Variants in RAD54B observed in about 807,000 individuals in gnomAD.
RAD54B encodes DNA repair and recombination protein RAD54B.
RAD54B carries 78 observed loss-of-function variants against 95.8 expected under a neutral mutation model. The observed-to-expected ratio is 0.81, with a 90% CI of 0.68 to 0.98. RAD54B has a LOEUF of 0.98. Among genes scored for constraint, RAD54B ranks in the 50% least tolerant of loss-of-function variants. RAD54B has a pLI of 0.00. For synonymous variants in RAD54B, 328 were observed against 354.9 expected, an observed-to-expected ratio of 0.92 and a Z score of 0.85; for missense variants, 957 against 1,056.6, an observed-to-expected ratio of 0.91 and a Z score of 1.31.
chr8:94,404,162 C>G lies in RAD54B; in HGVS notation c.859G>C (p.Val287Leu). The change falls in exon 6 of 15, where the codon GTG (valine) becomes CTG (leucine). Residue 287 changes from valine to leucine, a missense_variant. By Grantham distance (32) the Val-to-Leu change is conservative. Coordinates refer to ENST00000336148, the MANE Select transcript of RAD54B (RefSeq NM_012415.3). ...NKNCFPLVDV[V>L]IDPYLVYHLR... ...TGATATACAAGGTAAGGATCAATCA[C>G]TACATCCACAAGAGGGAAACAGTTC... The G allele has an allele frequency of 6.2e-7, 1 of 1,611,282 alleles. No homozygotes were observed.
At chr8:94,425,229 CTT>C (rs34018801) in intron 3 of RAD54B, among the ~76,000 whole-genome samples, 67 of 114,924 alleles carry the variant, frequency 5.8e-4, no homozygotes, top group East Asian at 1.5e-3. Context: ...CTTTAATATT[CTT>C]TTTTTTTTTT....
At chr8:94,435,042 T>C (rs986383982) in intron 3 of RAD54B, among the ~76,000 whole-genome samples, 7 of 152,118 alleles carry the variant, frequency 4.6e-5, no homozygotes, top group Admixed American at 1.3e-4. Context: ...CGTTTTCAAA[T>C]TATAAAAACC....
chr8:94,387,390 C>T lies in RAD54B; in HGVS notation c.1810-231G>A, dbSNP rs16916788. 134,167 of 345,126 alleles carry T rather than the reference C, an allele frequency of 0.39. 26,438 individuals carry two copies. The highest frequency in any genetic ancestry group is 0.51 in the Admixed American group (10,900 of 21,338). 21.4% of individuals were successfully genotyped at this position (345,126 alleles called of 1,614,324 possible). A position where few individuals can be genotyped will look rare whatever the true frequency, so the allele number is the denominator to read the frequency against. On this transcript the variant is annotated intron_variant, in intron 10 of 14. Transcript: ENST00000336148. ...TCTAACGCAGTCTCATGCCTGCTACCTTCACCCTGCAAGTGTAGTATTAAT... is the reference window on the plus strand; with the variant it reads ...TCTAACGCAGTCTCATGCCTGCTACTTTCACCCTGCAAGTGTAGTATTAAT...
chr8:94,467,226 C>A (rs980922781), intron 2 of RAD54B, among the ~76,000 whole-genome samples, 179 bp downstream of exon 2: 1 of 152,132 alleles, frequency 6.6e-6, no homozygotes, highest in East Asian at 1.9e-4. Context: ...CTGTGCCCAG[C>A]CTGTTATTCC....
intron 2 of RAD54B, among the ~76,000 whole-genome samples, chr8:94,463,530 A>G (rs2130190878): frequency 6.6e-6 from 1 of 152,208 alleles, no homozygotes; most frequent in African/African-American, 2.4e-5. Flanking sequence ...TTAAGAGGTT[A>G]AACATAGAAT....
chr8:94,466,675 G>A (rs538558776), intron 2 of RAD54B, among the ~76,000 whole-genome samples: 5 of 152,256 alleles, frequency 3.3e-5, no homozygotes, highest in African/African-American at 1.2e-4. Context: ...CCAACGTGCT[G>A]GGATTACAGG....
Position 94,426,952 on chromosome 8 carries a change from T to C in RAD54B, c.305-15637A>G, listed in dbSNP as rs572443707. On this transcript the variant is annotated intron_variant, in intron 3 of 14. Transcript: ENST00000336148. ...CTCTACAACTTGTTTCGAAGTAACA[T>C]TTTTCCTTTAAAAAAAAGAATTGAT... Among the ~76,000 whole-genome samples the C allele has an allele frequency of 1.8e-4, 27 of 152,234 alleles. No individual in the cohort carries two copies. The South Asian group carries it at 5.0e-3, about 28-fold the overall frequency.
At chr8:94,411,816 A>G (rs1224201487) in intron 3 of RAD54B, among the ~76,000 whole-genome samples, 1 of 152,088 alleles carries the variant, frequency 6.6e-6, no homozygotes, top group Admixed American at 6.6e-5. Context: ...TGATATATGT[A>G]TACACTGTGG....
intron 3 of RAD54B, among the ~76,000 whole-genome samples, chr8:94,438,487 G>A (rs1439610039): frequency 6.6e-6 from 1 of 152,134 alleles, no homozygotes; most frequent in Non-Finnish European, 1.5e-5. Context: ...ACAACAACTG[G>A]ACCACAGGTA....
intron 12 of RAD54B, among the ~76,000 whole-genome samples, 158 bp from the exon 13 acceptor site, chr8:94,378,792 T>C (rs1008960191): frequency 2.0e-5 from 3 of 152,202 alleles, no homozygotes; most frequent in Non-Finnish European, 4.4e-5. Flanking sequence ...CCCTACTTCA[T>C]AGCTTTTTCT....
chr8:94,402,339 C>T (rs886791648), intron 6 of RAD54B, among the ~76,000 whole-genome samples: 5 of 151,760 alleles, frequency 3.3e-5, no homozygotes, highest in South Asian at 2.1e-4. Context: ...CTGCAACCTC[C>T]GCCTCCTGGA....
chr8:94,469,810 T>C (rs910126334), intron 1 of RAD54B, among the ~76,000 whole-genome samples: 3 of 152,356 alleles, frequency 2.0e-5, no homozygotes, highest in East Asian at 1.9e-4. Context: ...TTAAAAGGTA[T>C]TTTTATAATT....
At chr8:94,471,925 G>A (rs189549149) in intron 1 of RAD54B, among the ~76,000 whole-genome samples, 1 of 151,830 alleles carries the variant, frequency 6.6e-6, no homozygotes, top group East Asian at 1.9e-4. Flanking sequence ...TAAATTGTAA[G>A]ATGTACCATT....
intron 3 of RAD54B, among the ~76,000 whole-genome samples, chr8:94,420,525 G>A (rs760844859): frequency 6.6e-6 from 1 of 151,744 alleles, no homozygotes; most frequent in Non-Finnish European, 1.5e-5. Flanking sequence ...CTCCCAAAGA[G>A]CTCTTAACAA....
intron 8 of RAD54B, among the ~76,000 whole-genome samples, chr8:94,395,247 C>A (rs1242727390): frequency 6.6e-6 from 1 of 152,084 alleles, no homozygotes; most frequent in Non-Finnish European, 1.5e-5. Context: ...GAGCCTAAGA[C>A]AGTGATTTGT....
chr8:94,378,638 T>G lies in RAD54B; in HGVS notation c.2248-4A>C. The stretch of plus-strand genomic sequence containing the variant: ...CTCTCCATACTCTAGACATTGCCTA[T>G]AGAAAATAAGTGAGAATTCTGAGAG... On this transcript the variant is annotated splice_region_variant and splice_polypyrimidine_tract_variant and intron_variant, in intron 12 of 14. Coordinates refer to ENST00000336148, the MANE Select transcript of RAD54B (RefSeq NM_012415.3). 6.3e-7 allele frequency: 1 copy of G among 1,595,416 alleles called. No individual in the cohort carries two copies. The highest frequency in any genetic ancestry group is 8.6e-7 in the Non-Finnish European group (1 of 1,169,068).
intron 3 of RAD54B, among the ~76,000 whole-genome samples, chr8:94,418,832 G>C (rs1455188087): frequency 6.6e-6 from 1 of 152,158 alleles, no homozygotes; most frequent in South Asian, 2.1e-4. Context: ...GTGACAGACA[G>C]TTGAGTTTTC....
intron 10 of RAD54B, among the ~76,000 whole-genome samples, chr8:94,389,262 C>A (rs906022293): frequency 1.3e-5 from 2 of 152,140 alleles, no homozygotes; most frequent in South Asian, 2.1e-4. Context: ...CCAAGACGGG[C>A]GATCTTAATG....
chr8:94,463,707 A>T (rs558151215), intron 2 of RAD54B, among the ~76,000 whole-genome samples: 1 of 152,058 alleles, frequency 6.6e-6, no homozygotes, highest in African/African-American at 2.4e-5. Context: ...GGCAGACCCC[A>T]TCTCTATAAA....
Sources: allele counts gnomAD v4.1 joint callset (sites outside exome capture counted in the v4.1 genomes callset), GRCh38; gene constraint gnomAD v4.1.1; transcripts MANE v1.5; gene names NCBI Gene and HGNC (gene_info 2026-07-23, HGNC 2026-07-21).